ZFYVE28: variants seen among roughly 807,000 people sequenced by gnomAD.
The protein encoded by ZFYVE28 is lateral signaling target protein 2 homolog.
In ZFYVE28, 40 loss-of-function variants were observed where a neutral mutation model predicts 82.1. The observed-to-expected ratio is 0.49, with a 90% CI of 0.38 to 0.63. The LOEUF is 0.63. Ranked by LOEUF, ZFYVE28 falls within the 30% of genes least tolerant of loss-of-function variation. The pLI is 0.00. For missense variants in ZFYVE28, 1,321 were observed against 1,242.1 expected, an observed-to-expected ratio of 1.06 and a Z score of -0.96; for synonymous variants, 612 against 546.1, an observed-to-expected ratio of 1.12 and a Z score of -1.68.
intron 7 of ZFYVE28, among the ~76,000 whole-genome samples, chr4:2,306,261 C>T (rs1411818026): frequency 2.0e-5 from 3 of 152,238 alleles, no homozygotes; most frequent in African/African-American, 7.2e-5. Flanking sequence ...CTCTCTGCTG[C>T]GAGAAGCTCC....
At chr4:2,315,077 C>T (rs1035697292) in intron 7 of ZFYVE28, among the ~76,000 whole-genome samples, 1 of 152,088 alleles carries the variant, frequency 6.6e-6, no homozygotes, top group Non-Finnish European at 1.5e-5. Context: ...CACCTGGCCT[C>T]TCTAGCATTT....
At chr4:2,352,361 C>A (rs1032204831) in intron 2 of ZFYVE28, among the ~76,000 whole-genome samples, 1 of 150,104 alleles carries the variant, frequency 6.7e-6, no homozygotes, top group Non-Finnish European at 1.5e-5. Context: ...AAGGACTGGG[C>A]GTGGGACCCA....
rs946652721 is a variant in ZFYVE28, at chr4:2,409,165, C to T, written c.39+9120G>A. 5.3e-5 allele frequency among the ~76,000 whole-genome samples: 8 copies of T among 151,740 alleles called. No individual in the cohort carries two copies. The highest frequency in any genetic ancestry group is 1.2e-4 in the Non-Finnish European group (8 of 67,910). ...GTCCAAACCCCTACTTCTGCACCCCCATCTCCACCCTCCACCTCGCAGCTC... is the reference window on the plus strand; with the variant it reads ...GTCCAAACCCCTACTTCTGCACCCCTATCTCCACCCTCCACCTCGCAGCTC... On this transcript the variant is annotated intron_variant, in intron 1 of 12. Coordinates refer to ENST00000290974, the MANE Select transcript of ZFYVE28 (RefSeq NM_020972.3). This position sits in a 1 kb window ranked among gnomAD's most constrained non-coding sequence, Gnocchi z 4.4.
intron 8 of ZFYVE28, among the ~76,000 whole-genome samples, chr4:2,279,759 A>AG (rs1320448282): frequency 3.3e-5 from 5 of 151,776 alleles, no homozygotes; most frequent in East Asian, 1.9e-4. Flanking sequence ...CCAGCCTGAC[A>AG]ACAGAGTGAG....
intron 12 of ZFYVE28, 199 bp downstream of exon 12, chr4:2,271,112 T>C: frequency 6.8e-6 from 5 of 734,308 alleles, no homozygotes; most frequent in Non-Finnish European, 1.1e-5. Context: ...CAGCCGGGAC[T>C]GGACATGGGC....
At chr4:2,290,556 G>A (rs1157939279) in intron 8 of ZFYVE28, among the ~76,000 whole-genome samples, 1 of 152,296 alleles carries the variant, frequency 6.6e-6, no homozygotes, top group East Asian at 1.9e-4. Context: ...CAAAAGCCGG[G>A]GGCCATGGGG....
intron 6 of ZFYVE28, chr4:2,331,064 G>T: frequency 1.5e-6 from 2 of 1,364,270 alleles, no homozygotes; most frequent in Non-Finnish European, 1.9e-6. Context: ...GAGGAAGGCA[G>T]GGGTAGACGC....
chr4:2,344,661 C>G (rs981450997), intron 2 of ZFYVE28, among the ~76,000 whole-genome samples: 3 of 152,110 alleles, frequency 2.0e-5, no homozygotes, highest in Admixed American at 6.5e-5. Context: ...CTTTGTGAGG[C>G]CAAGGTGGGT....
Position 2,273,553 on chromosome 4 carries a change from C to A in ZFYVE28, c.2207-264G>T, listed in dbSNP as rs190030711. Among the ~76,000 whole-genome samples the A allele has an allele frequency of 2.2e-3, 337 of 152,312 alleles. 2 individuals carry two copies. Among genetic ancestry groups the A allele is most frequent in the Middle Eastern group, 0.017 (5 of 292 alleles). On this transcript the variant is annotated intron_variant, in intron 9 of 12. Coordinates refer to ENST00000290974, the MANE Select transcript of ZFYVE28 (RefSeq NM_020972.3). The stretch of plus-strand genomic sequence containing the variant: ...AGTCGGTCTGCCGCTGACATTCACA[C>A]CTTTTATGCACAGGTCACAGCCATC...
intron 8 of ZFYVE28, among the ~76,000 whole-genome samples, chr4:2,296,892 C>T (rs948656509): frequency 6.6e-6 from 1 of 152,322 alleles, no homozygotes; most frequent in South Asian, 2.1e-4. Flanking sequence ...TGGAGGCTGC[C>T]TGTGTCCTCT....
At chr4:2,325,592 C>CTTTTTTTTTT (rs58460729) in intron 6 of ZFYVE28, among the ~76,000 whole-genome samples, 3 of 122,226 alleles carry the variant, frequency 2.5e-5, no homozygotes, top group Non-Finnish European at 5.0e-5. Flanking sequence ...TTAAATCTTA[C>CTTTTTTTTTT]TTTTTTTTTT....
chr4:2,330,987 T>A (rs2108847253), intron 6 of ZFYVE28: 1 of 1,533,408 alleles, frequency 6.5e-7, no homozygotes, highest in East Asian at 2.5e-5. Flanking sequence ...CCGGCAACCA[T>A]CCTGCAGGCC....
At chr4:2,411,195 G>A (rs1732485109) in intron 1 of ZFYVE28, among the ~76,000 whole-genome samples, 1 of 152,038 alleles carries the variant, frequency 6.6e-6, no homozygotes, top group African/African-American at 2.4e-5. Context: ...CATGCAGTTT[G>A]GACCCATGTT....
At chr4:2,323,959 AT>A (rs1449971132) in intron 6 of ZFYVE28, among the ~76,000 whole-genome samples, 2 of 152,026 alleles carry the variant, frequency 1.3e-5, no homozygotes, top group Non-Finnish European at 2.9e-5. Flanking sequence ...GACAATCACA[AT>A]TTTTAATTTT....
chr4:2,304,095 G>C (rs1454655080), intron 8 of ZFYVE28, among the ~76,000 whole-genome samples, 194 bp downstream of exon 8: 1 of 152,236 alleles, frequency 6.6e-6, no homozygotes, highest in East Asian at 1.9e-4. Context: ...ACGCCCCACA[G>C]GGCAGGTGCC....
intron 7 of ZFYVE28, among the ~76,000 whole-genome samples, chr4:2,309,769 C>T (rs762168755): frequency 8.5e-5 from 13 of 152,164 alleles, no homozygotes; most frequent in African/African-American, 1.4e-4. Flanking sequence ...CACAGAGATA[C>T]GCACGGACGA....
chr4:2,304,147 C>A (rs994387340), intron 8 of ZFYVE28, 142 bp downstream of exon 8: 5 of 1,099,636 alleles, frequency 4.5e-6, no homozygotes, highest in Non-Finnish European at 6.3e-6. Flanking sequence ...CACACACAGA[C>A]CCCACACTCG....
At chr4:2,276,871 G>T (rs1195550547) in intron 8 of ZFYVE28, among the ~76,000 whole-genome samples, 1 of 152,164 alleles carries the variant, frequency 6.6e-6, no homozygotes, top group Non-Finnish European at 1.5e-5. Context: ...TGAGGACGTT[G>T]CGGAGATGAT....
intron 6 of ZFYVE28, chr4:2,330,730 T>G: frequency 6.9e-7 from 1 of 1,455,602 alleles, no homozygotes; most frequent in Non-Finnish European, 9.0e-7. Flanking sequence ...GGAAACATCA[T>G]GGAAAAGGGG....
Sources: allele counts gnomAD v4.1 joint callset (sites outside exome capture counted in the v4.1 genomes callset), GRCh38; gene constraint gnomAD v4.1.1; non-coding constraint Gnocchi (gnomAD v3.1); transcripts MANE v1.5; gene names NCBI Gene and HGNC (gene_info 2026-07-23, HGNC 2026-07-21).